IGSF21: variants seen among roughly 807,000 people sequenced by gnomAD.
IGSF21 encodes immunoglobin superfamily member 21.
A neutral mutation model predicts 46.8 loss-of-function variants in IGSF21; 28 were observed. That is an observed-to-expected ratio of 0.60 (90% confidence interval 0.44 to 0.82). The LOEUF is 0.82. IGSF21 is among the 40% of genes least tolerant of loss of function. The pLI is 0.00. For synonymous variants in IGSF21, 284 were observed against 273.6 expected, an observed-to-expected ratio of 1.04 and a Z score of -0.38; for missense variants, 624 against 665.5, an observed-to-expected ratio of 0.94 and a Z score of 0.69.
chr1:18,326,033 C>A (rs1048691549), intron 3 of IGSF21, among the ~76,000 whole-genome samples: 1 of 149,470 alleles, frequency 6.7e-6, no homozygotes, highest in Non-Finnish European at 1.5e-5. Context: ...ACCTCTTCCC[C>A]GCCCATGCCC....
intron 2 of IGSF21, among the ~76,000 whole-genome samples, chr1:18,268,790 G>A (rs2085014897): frequency 4.6e-5 from 7 of 152,176 alleles, no homozygotes; most frequent in Admixed American, 4.6e-4. Context: ...TGGAGAAAGG[G>A]CTGAGAGCTG....
chr1:18,349,012 A>G (rs933582473), intron 4 of IGSF21, among the ~76,000 whole-genome samples: 28 of 152,310 alleles, frequency 1.8e-4, no homozygotes, highest in Admixed American at 1.5e-3. Flanking sequence ...TTTCATAACA[A>G]AAGCTAGCAC....
chr1:18,325,072 C>T (rs957872251), intron 3 of IGSF21, among the ~76,000 whole-genome samples: 1 of 152,180 alleles, frequency 6.6e-6, no homozygotes. Flanking sequence ...CTCCACCAGG[C>T]AGGGAAAGAC....
At chr1:18,213,736 C>T (rs568469848) in intron 1 of IGSF21, among the ~76,000 whole-genome samples, 6 of 152,276 alleles carry the variant, frequency 3.9e-5, no homozygotes, top group East Asian at 1.9e-4. Context: ...AATTTGAGCT[C>T]GGGTGAAGGA....
In IGSF21 at chr1:18,365,065, T is replaced by C. The variant is rs2086146101; in HGVS notation, c.541-158T>C. Among the ~76,000 whole-genome samples the C allele has an allele frequency of 6.6e-6, 1 of 152,154 alleles. No individual in the cohort carries two copies. Among genetic ancestry groups the C allele is most frequent in the South Asian group, 2.1e-4 (1 of 4,830 alleles). On this transcript the variant is annotated intron_variant, in intron 5 of 9. Transcript: ENST00000251296. The surrounding 1 kb of genome is among the most constrained non-coding windows in gnomAD (Gnocchi z 4.8). ...TTGTACCACACTGGCTCATAGTTCTTGGGGGTGTTGAAGGGAAAAGAGTGG... is the reference window on the plus strand; with the variant it reads ...TTGTACCACACTGGCTCATAGTTCTCGGGGGTGTTGAAGGGAAAAGAGTGG...
chr1:18,302,182 A>ATT (rs1475726576), intron 3 of IGSF21, among the ~76,000 whole-genome samples: 1 of 69,512 alleles, frequency 1.4e-5, no homozygotes, highest in Non-Finnish European at 2.6e-5. Flanking sequence ...TCCAGGCCCA[A>ATT]GCTCCAATGC....
chr1:18,299,170 C>T (rs2085338925), intron 3 of IGSF21, among the ~76,000 whole-genome samples: 1 of 152,154 alleles, frequency 6.6e-6, no homozygotes, highest in African/African-American at 2.4e-5. Context: ...CAGAGGGCCC[C>T]ATGTGTGCAA....
rs377558545 is a variant in IGSF21, at chr1:18,322,624, G to A, written c.306-12268G>A. ...ACCACACGGAGTCTTTTTCTGAAGA[G>A]CACGTGCCCCACGCCCCCTGCCTGC... On this transcript the variant is annotated intron_variant, in intron 3 of 9. Coordinates refer to ENST00000251296, the MANE Select transcript of IGSF21 (RefSeq NM_032880.5). The surrounding 1 kb of genome is among the most constrained non-coding windows in gnomAD (Gnocchi z 4.3). Among the ~76,000 whole-genome samples, 2 of 152,144 alleles carry A rather than the reference G, an allele frequency of 1.3e-5. No individual in the cohort carries two copies. Among genetic ancestry groups the A allele is most frequent in the African/African-American group, 4.8e-5 (2 of 41,434 alleles).
intron 1 of IGSF21, among the ~76,000 whole-genome samples, chr1:18,108,524 T>C (rs1244236531): frequency 6.7e-6 from 1 of 148,602 alleles, no homozygotes; most frequent in Non-Finnish European, 1.5e-5. Flanking sequence ...GTGTGTGTGA[T>C]GGTGTGGGGT....
chr1:18,177,595 C>G (rs896130095), intron 1 of IGSF21, among the ~76,000 whole-genome samples: 1 of 152,028 alleles, frequency 6.6e-6, no homozygotes, highest in Non-Finnish European at 1.5e-5. Flanking sequence ...TTCTTATTCA[C>G]AAACACACTT....
intron 2 of IGSF21, among the ~76,000 whole-genome samples, chr1:18,245,491 T>C (rs2084775660): frequency 6.6e-6 from 1 of 152,226 alleles, no homozygotes; most frequent in Non-Finnish European, 1.5e-5. Flanking sequence ...TGTGGGTCTC[T>C]GGGATGTAAG....
intron 1 of IGSF21, among the ~76,000 whole-genome samples, chr1:18,205,818 C>T (rs1454339232): frequency 6.6e-6 from 1 of 152,200 alleles, no homozygotes; most frequent in African/African-American, 2.4e-5. Flanking sequence ...CAAAATTCTA[C>T]CTACGGGGTT....
intron 3 of IGSF21, among the ~76,000 whole-genome samples, chr1:18,319,354 A>G (rs1014001886): frequency 2.6e-5 from 4 of 152,270 alleles, no homozygotes; most frequent in African/African-American, 9.6e-5. Flanking sequence ...TCCCTCTGCC[A>G]GAACTTAGTC....
In IGSF21 at chr1:18,365,371, C is replaced by G. The variant is rs758041179; in HGVS notation, c.689C>G (p.Ser230Cys). 1.2e-6 allele frequency: 2 copies of G among 1,613,990 alleles called. No individual in the cohort carries two copies. The highest frequency in any genetic ancestry group is 2.7e-5 in the African/African-American group (2 of 74,900). ...LDDTKMQKSL[S>C]LLDAENRGGR... Reference sequence around the variant, plus strand: ...GACACCAAGATGCAGAAGTCACTGTCCCTCCTGGACGCCGAGAACCGGGGT... The same window carrying G: ...GACACCAAGATGCAGAAGTCACTGTGCCTCCTGGACGCCGAGAACCGGGGT... Residue 230 changes from serine (S) to cysteine (C), a missense_variant, in exon 6 of 10, where the codon TCC becomes TGC. Physicochemically the swap from Ser to Cys is moderately radical, Grantham distance 112 (BLOSUM62 -1). Transcript: ENST00000251296. The surrounding 1 kb of genome is among the most constrained non-coding windows in gnomAD (Gnocchi z 4.8).
At chr1:18,144,518 G>T (rs540237256) in intron 1 of IGSF21, among the ~76,000 whole-genome samples, 1 of 152,186 alleles carries the variant, frequency 6.6e-6, no homozygotes, top group African/African-American at 2.4e-5. Flanking sequence ...GCCCAATTCT[G>T]ACCTAGCTTA....
At chr1:18,275,043 C>CAAACAA (rs111242716) in intron 2 of IGSF21, among the ~76,000 whole-genome samples, 27,621 of 151,940 alleles carry the variant, frequency 0.18, 2,624 homozygotes, top group Middle Eastern at 0.26. Context: ...AACAAACAAA[C>CAAACAA]AAAAAAGAAG....
At chr1:18,193,395 AATAT>A (rs377588859) in intron 1 of IGSF21, among the ~76,000 whole-genome samples, 3 of 150,440 alleles carry the variant, frequency 2.0e-5, no homozygotes, top group Admixed American at 1.3e-4. Flanking sequence ...GAATTAATGG[AATAT>A]ATATATATAT....
At chr1:18,177,407 G>GGGGA (rs1557573452) in intron 1 of IGSF21, among the ~76,000 whole-genome samples, 28 of 151,276 alleles carry the variant, frequency 1.9e-4, no homozygotes, top group African/African-American at 4.6e-4. Flanking sequence ...GTGTGTGTGT[G>GGGGA]TGTGTGTGTG....
intron 1 of IGSF21, among the ~76,000 whole-genome samples, chr1:18,186,282 G>T (rs2086902447): frequency 6.6e-6 from 1 of 152,158 alleles, no homozygotes; most frequent in African/African-American, 2.4e-5. Flanking sequence ...CCCCAACAGT[G>T]AGTTGCTGGA....
Sources: gnomAD v4.1 joint callset for allele counts (sites outside exome capture counted in the v4.1 genomes callset) on GRCh38, gnomAD v4.1.1 for gene constraint, Gnocchi (gnomAD v3.1) non-coding constraint, MANE v1.5 for transcripts, NCBI Gene and HGNC (gene_info 2026-07-23, HGNC 2026-07-21) for gene names.